The following TMEM131L variants were observed in gnomAD, a reference collection of about 807,000 sequenced individuals.
The protein encoded by TMEM131L is transmembrane protein 131-like.
TMEM131L carries 54 observed loss-of-function variants against 192.2 expected under a neutral mutation model. That is an observed-to-expected ratio of 0.28 (90% CI 0.23 to 0.35). TMEM131L has a LOEUF of 0.35. Among genes scored for constraint, TMEM131L ranks in the 10% least tolerant of loss-of-function variants. The pLI, the probability that TMEM131L is intolerant of heterozygous loss-of-function variation, is 1.00. For synonymous variants in TMEM131L, 701 were observed against 704.9 expected (o/e 0.99, Z 0.09); for missense variants, 1,888 against 1,972.9 (o/e 0.96, Z 0.82).
At chr4:153,566,060 GAACTT>G (rs1305951204) in intron 7 of TMEM131L, among the ~76,000 whole-genome samples, 3 of 151,832 alleles carry the variant, frequency 2.0e-5, no homozygotes, top group African/African-American at 7.3e-5. Context: ...AGATTGAAAA[GAACTT>G]AAATTATTAT....
chr4:153,527,891 A>G (rs956840472), intron 3 of TMEM131L, among the ~76,000 whole-genome samples: 2 of 152,142 alleles, frequency 1.3e-5, no homozygotes, highest in Non-Finnish European at 2.9e-5. Context: ...CCTCAGGACC[A>G]CCTTGCATTT....
chr4:153,466,754 G>C (rs1039581442), intron 1 of TMEM131L, among the ~76,000 whole-genome samples: 1 of 152,164 alleles, frequency 6.6e-6, no homozygotes, highest in Non-Finnish European at 1.5e-5. Flanking sequence ...CTTGGGGACC[G>C]CTAGCCGCTC....
intron 3 of TMEM131L, among the ~76,000 whole-genome samples, chr4:153,493,061 T>C (rs374263297): frequency 7.9e-5 from 12 of 152,244 alleles, no homozygotes; most frequent in African/African-American, 2.6e-4. Flanking sequence ...AAAGATATGC[T>C]TGGGACTGGG....
Position 153,598,722 on chromosome 4 carries a change from C to T in TMEM131L, c.2256C>T (p.Asp752=). 6.2e-7 allele frequency: 1 copy of T among 1,613,592 alleles called. No homozygotes were observed. Residue 752 remains aspartate (D), a synonymous_variant, in exon 21 of 35, where the codon GAC becomes GAT. Coordinates refer to ENST00000409959, the MANE Select transcript of TMEM131L (RefSeq NM_001131007.2). ...RFKVPESTLM[D]CRRQLKDSKQ... ...AGGTGCCCGAGTCCACGCTGATGGACTGCCGTAGACGTGAGTTCATATGTG... is the reference window on the plus strand; with the variant it reads ...AGGTGCCCGAGTCCACGCTGATGGATTGCCGTAGACGTGAGTTCATATGTG...
At chr4:153,632,557 G>GT in intron 31 of TMEM131L, 161 bp from the exon 32 acceptor site, 1 of 729,656 alleles carries the variant, frequency 1.4e-6, no homozygotes, top group Non-Finnish European at 2.2e-6. Flanking sequence ...ACAATATGCT[G>GT]TATTTCAGAA....
At chr4:153,622,722 A>G (rs933466775) in intron 28 of TMEM131L, among the ~76,000 whole-genome samples, 176 bp from the exon 29 acceptor site, 11 of 152,246 alleles carry the variant, frequency 7.2e-5, no homozygotes, top group South Asian at 4.1e-4. Flanking sequence ...CCCATCCCCT[A>G]TTATTTCTCA....
At chr4:153,558,132 T>A (rs558729937) in intron 6 of TMEM131L, 126 bp from the exon 7 acceptor site, 1 of 491,358 alleles carries the variant, frequency 2.0e-6, no homozygotes, top group Admixed American at 3.3e-5. Flanking sequence ...ATAAAATAAT[T>A]GGATTAGTAG....
At chr4:153,485,671 G>A (rs1580045675) in intron 3 of TMEM131L, among the ~76,000 whole-genome samples, 1 of 152,208 alleles carries the variant, frequency 6.6e-6, no homozygotes, top group Non-Finnish European at 1.5e-5. Flanking sequence ...AATCCAAACA[G>A]TGTTCGATTG....
Position 153,604,385 on chromosome 4 carries a change from C to G in TMEM131L, c.3373C>G (p.Gln1125Glu). The G allele has an allele frequency of 1.9e-6, 3 of 1,607,656 alleles. No homozygotes were observed. Among genetic ancestry groups the G allele is most frequent in the Non-Finnish European group, 2.5e-6 (3 of 1,178,180 alleles). The change falls in exon 25 of 35, where the codon CAG (glutamine) becomes GAG (glutamate). Residue 1125 changes from glutamine to glutamate, a missense_variant. By Grantham distance (29) the Gln-to-Glu change is conservative (BLOSUM62 2). Coordinates refer to ENST00000409959, the MANE Select transcript of TMEM131L (RefSeq NM_001131007.2). ...AAACCATTTACCAAGAAACTCACCT[C>G]AGTACCACCAGCCAGACTTGCCAGA... ...PENHLPRNSPQYHQPDLPEIS... is the reference protein window; with the variant it reads ...PENHLPRNSPEYHQPDLPEIS...
chr4:153,603,852 G>A lies in TMEM131L; in HGVS notation c.2840G>A (p.Arg947Lys), dbSNP rs1436826296. Residue 947 changes from arginine to lysine, a missense_variant, in exon 25 of 35, where the codon AGG (arginine) becomes AAG (lysine). Transcript: ENST00000409959. ...LDTYGPSDKG[R>K]GKNCLPVNTP... The stretch of plus-strand genomic sequence containing the variant: ...ACATATGGCCCCTCTGATAAAGGCA[G>A]GGGGAAGAACTGCCTTCCAGTGAAC... The A allele has an allele frequency of 6.2e-7, 1 of 1,611,986 alleles. No homozygotes were observed. The highest frequency in any genetic ancestry group is 2.2e-5 in the East Asian group (1 of 44,882).
At chr4:153,518,357 G>A (rs1734878537) in intron 3 of TMEM131L, among the ~76,000 whole-genome samples, 1 of 152,202 alleles carries the variant, frequency 6.6e-6, no homozygotes, top group Non-Finnish European at 1.5e-5. Context: ...TCCACCAGGG[G>A]TAGAAGGGAA....
rs530334568 is a variant in TMEM131L at position 153,502,565 on chromosome 4, T to C, written c.239+28677T>C. On this transcript the variant is annotated intron_variant, in intron 3 of 34. Transcript: ENST00000409959. ...TATGTGTAAACTAATCATTAAACCA[T>C]AGAAGCTTTTCAAATGGCTGAATGT... Among the ~76,000 whole-genome samples, 9 of 152,362 alleles carry C rather than the reference T, an allele frequency of 5.9e-5. No homozygotes were observed. In the East Asian group the frequency reaches 1.3e-3, roughly 23 times the overall value.
At chr4:153,624,029 T>C (rs1038781022) in intron 29 of TMEM131L, among the ~76,000 whole-genome samples, 1 of 152,118 alleles carries the variant, frequency 6.6e-6, no homozygotes, top group African/African-American at 2.4e-5. Flanking sequence ...AACAAAATAT[T>C]GACTGTTAGT....
intron 20 of TMEM131L, 82 bp downstream of exon 20, chr4:153,596,467 A>G (rs1196578421): frequency 2.1e-5 from 32 of 1,526,264 alleles, no homozygotes; most frequent in Middle Eastern, 1.8e-4. Flanking sequence ...GTTGACGTTC[A>G]CTTCTCAGTC....
intron 7 of TMEM131L, among the ~76,000 whole-genome samples, chr4:153,577,205 C>T (rs2150690597): frequency 6.6e-6 from 1 of 152,222 alleles, no homozygotes; most frequent in East Asian, 1.9e-4. Flanking sequence ...GAGGTTGGAG[C>T]ATGCGCAGGG....
Position 153,596,279 on chromosome 4 carries a change from A to G in TMEM131L, c.2017A>G (p.Arg673Gly). The G allele has an allele frequency of 6.2e-7, 1 of 1,613,938 alleles. No individual in the cohort carries two copies. The highest frequency in any genetic ancestry group is 8.5e-7 in the Non-Finnish European group (1 of 1,179,836). Reference protein sequence around the residue: ...PYLGTHSEESRFGILHLHLQP... With the variant: ...PYLGTHSEESGFGILHLHLQP... ...GCAGGGTACGCATTCTGAGGAATCC[A>G]GGTTTGGCATCCTCCACTTACATCT... The change falls in exon 20 of 35, where the codon AGG (arginine) becomes GGG (glycine). Residue 673 changes from arginine (R) to glycine (G), a missense_variant. Coordinates refer to ENST00000409959, the MANE Select transcript of TMEM131L (RefSeq NM_001131007.2).
intron 3 of TMEM131L, among the ~76,000 whole-genome samples, chr4:153,511,134 T>C (rs1734326471): frequency 6.6e-6 from 1 of 152,224 alleles, no homozygotes; most frequent in Non-Finnish European, 1.5e-5. Context: ...TTACTGGGTA[T>C]ATACTCAAAG....
chr4:153,612,497 A>G, intron 26 of TMEM131L, 97 bp downstream of exon 26: 2 of 899,198 alleles, frequency 2.2e-6, no homozygotes, highest in African/African-American at 1.7e-5. Context: ...CTGCATTTGA[A>G]TCCATATTAA....
In TMEM131L at chr4:153,523,566, C is replaced by T. The variant is rs17030068; in HGVS notation, c.240-26507C>T. Among the ~76,000 whole-genome samples, 1,082 of 152,268 alleles carry T rather than the reference C, an allele frequency of 7.1e-3. 20 individuals carry two copies. The highest frequency in any genetic ancestry group is 0.025 in the African/African-American group (1,021 of 41,552). Reference sequence around the variant, plus strand: ...AGTCTTTGAGGAAGAAGAATTGAGGCTTTAGAAAATGCAAAGGCTGACATT... The same window carrying T: ...AGTCTTTGAGGAAGAAGAATTGAGGTTTTAGAAAATGCAAAGGCTGACATT... On this transcript the variant is annotated intron_variant, in intron 3 of 34. Transcript: ENST00000409959.
Sources: allele counts gnomAD v4.1 joint callset (sites outside exome capture counted in the v4.1 genomes callset), GRCh38; gene constraint gnomAD v4.1.1; transcripts MANE v1.5; gene names NCBI Gene and HGNC (gene_info 2026-07-23, HGNC 2026-07-21).